Variants in SECISBP2 observed in about 807,000 individuals in gnomAD.
SECISBP2 encodes the protein SECIS binding protein 2.
SECISBP2 carries 96 observed loss-of-function variants against 98.2 expected under a neutral mutation model. The observed-to-expected ratio is 0.98, with a 90% CI of 0.83 to 1.16. SECISBP2 has a LOEUF of 1.16. Ranked by LOEUF, SECISBP2 falls within the 50% of genes most tolerant of loss-of-function variation. The probability of loss-of-function intolerance (pLI) is 0.00; values close to 1 mark genes in which losing one functional copy is unlikely to be tolerated. For missense variants in SECISBP2, 1,046 were observed against 1,022.9 expected, an observed-to-expected ratio of 1.02 and a Z score of -0.31; for synonymous variants, 407 against 370.2, an observed-to-expected ratio of 1.10 and a Z score of -1.14.
At chr9:89,366,129 C>T in the SECISBP2 span, among the ~76,000 whole-genome samples, 5 of 152,124 alleles carry the variant, frequency 3.3e-5, no homozygotes, top group Non-Finnish European at 7.4e-5. Flanking sequence ...TTCGAAGTGC[C>T]ATCGAAGAAT....
At chr9:89,325,857 G>A (rs1826598599) in intron 3 of SECISBP2, 40 bp from the exon 4 acceptor site, 1 of 1,612,396 alleles carries the variant, frequency 6.2e-7, no homozygotes, top group African/African-American at 1.3e-5. Context: ...TTTTTATAGT[G>A]GTGGTTTTAT....
the SECISBP2 span, among the ~76,000 whole-genome samples, chr9:89,366,048 G>A: frequency 6.6e-6 from 1 of 152,176 alleles, no homozygotes; most frequent in African/African-American, 2.4e-5. Context: ...GGCAAGGATG[G>A]GCCCAGTGAA....
chr9:89,334,122 T>A, intron 6 of SECISBP2: 1 of 1,140,200 alleles, frequency 8.8e-7, no homozygotes, highest in Non-Finnish European at 1.1e-6. Context: ...AGTCTAGTGA[T>A]CTTTGACTTC....
At chr9:89,318,732 A>AC in intron 1 of SECISBP2, 120 bp downstream of exon 1, 1 of 1,241,604 alleles carries the variant, frequency 8.1e-7, no homozygotes, top group Non-Finnish European at 1.0e-6. Flanking sequence ...TGGTGACGGC[A>AC]CGGGAGCGCC....
At chr9:89,351,120 C>G (rs1288890983) in intron 14 of SECISBP2, among the ~76,000 whole-genome samples, 6 of 152,224 alleles carry the variant, frequency 3.9e-5, no homozygotes. Flanking sequence ...GAAAGACCTG[C>G]CTCTGTTGTG....
chr9:89,336,766 CTT>C (rs1167993596), intron 7 of SECISBP2, among the ~76,000 whole-genome samples: 5 of 75,212 alleles, frequency 6.6e-5, no homozygotes, highest in Middle Eastern at 0.015. Context: ...CTGTCTAATT[CTT>C]TTTTTTTTTT....
Position 89,346,975 on chromosome 9 carries a change from C to G in SECISBP2, c.1529C>G (p.Ser510Cys). 1 of 1,614,174 alleles carries G rather than the reference C, an allele frequency of 6.2e-7. No individual in the cohort carries two copies. Among genetic ancestry groups the G allele is most frequent in the South Asian group, 1.1e-5 (1 of 91,084 alleles). Residue 510 changes from serine to cysteine, a missense_variant, in exon 11 of 17, where the codon TCC becomes TGC. Transcript: ENST00000375807. ...QMKTPHNPLD[S>C]SAPLMKKGKQ... ...AAGACCCCGCACAATCCCTTGGACT[C>G]CAGCGCCCCACTGATGAAGAAAGGG...
chr9:89,353,331 G>A (rs1831569057), intron 14 of SECISBP2, among the ~76,000 whole-genome samples: 1 of 152,136 alleles, frequency 6.6e-6, no homozygotes, highest in Non-Finnish European at 1.5e-5. Context: ...TCTCCCCTAG[G>A]GCTGGTCACA....
At chr9:89,365,676 A>C in the SECISBP2 span, 1 of 152,402 alleles carries the variant, frequency 6.6e-6, no homozygotes, top group Admixed American at 6.5e-5. Flanking sequence ...AAAGAGTCCA[A>C]AGTACCTGCA....
At chr9:89,342,145 A>T (rs192017368) in intron 10 of SECISBP2, among the ~76,000 whole-genome samples, 1 of 152,046 alleles carries the variant, frequency 6.6e-6, no homozygotes, top group African/African-American at 2.4e-5. Context: ...ACATTTCTCC[A>T]GAAGTACACA....
intron 8 of SECISBP2, among the ~76,000 whole-genome samples, chr9:89,339,325 G>A (rs1184931827): frequency 6.6e-6 from 1 of 152,200 alleles, no homozygotes; most frequent in Non-Finnish European, 1.5e-5. Context: ...AAAACCTACC[G>A]TGGCAGAGCA....
intron 12 of SECISBP2, 96 bp downstream of exon 12, chr9:89,348,310 C>G: frequency 7.1e-7 from 1 of 1,401,814 alleles, no homozygotes; most frequent in South Asian, 1.2e-5. Context: ...ACTTGGCTGA[C>G]TCCTCTTCCT....
chr9:89,364,228 T>G, downstream of SECISBP2: 1 of 546,982 alleles, frequency 1.8e-6, no homozygotes, highest in Non-Finnish European at 3.2e-6. Context: ...ACCCCCTTTC[T>G]TGCAGCGCTG....
chr9:89,337,079 C>T (rs140349060), intron 7 of SECISBP2, among the ~76,000 whole-genome samples: 2,641 of 152,270 alleles, frequency 0.017, 39 homozygotes, highest in Non-Finnish European at 0.026. Flanking sequence ...TGGCCCCCCA[C>T]TGTCTAATTC....
At chr9:89,348,793 A>C (rs1054019287) in intron 12 of SECISBP2, among the ~76,000 whole-genome samples, 1 of 152,254 alleles carries the variant, frequency 6.6e-6, no homozygotes, top group African/African-American at 2.4e-5. Flanking sequence ...CTCTAGTGCA[A>C]CTGTGTGTTA....
intron 12 of SECISBP2, among the ~76,000 whole-genome samples, chr9:89,348,506 G>A (rs1321532495): frequency 6.6e-6 from 1 of 152,216 alleles, no homozygotes; most frequent in African/African-American, 2.4e-5. Flanking sequence ...AAGTGGTCAT[G>A]AGAATTAACA....
Position 89,318,778 on chromosome 9 carries a change from G to A in SECISBP2, c.36+166G>A, listed in dbSNP as rs575418184. Reference sequence around the variant, plus strand: ...GCCGCGATCTTCGCGCCCCGCCTCGGGTCCGCCTTGGGGTGGCGGTCAGCG... The same window carrying A: ...GCCGCGATCTTCGCGCCCCGCCTCGAGTCCGCCTTGGGGTGGCGGTCAGCG... On this transcript the variant is annotated intron_variant, in intron 1 of 16. Transcript: ENST00000375807. 1,293 of 1,254,296 alleles carry A rather than the reference G, an allele frequency of 1.0e-3. 4 individuals are homozygous for A. The highest frequency in any genetic ancestry group is 1.3e-3 in the Non-Finnish European group (1,232 of 978,688). 77.7% of individuals were successfully genotyped at this position (1,254,296 alleles called of 1,614,324 possible).
downstream of SECISBP2, chr9:89,362,305 G>A: frequency 3.1e-6 from 5 of 1,607,604 alleles, no homozygotes; most frequent in Non-Finnish European, 4.3e-6. Flanking sequence ...ACAGTTCACA[G>A]TTGTGGGGGA....
chr9:89,338,549 T>C lies in SECISBP2; in HGVS notation c.1181T>C (p.Val394Ala), dbSNP rs1564382699. 3 of 1,612,902 alleles carry C rather than the reference T, an allele frequency of 1.9e-6. No individual in the cohort carries two copies. The highest frequency in any genetic ancestry group is 1.7e-6 in the Non-Finnish European group (2 of 1,179,662). ...KKEKSTSKYE[V>A]LTVQEPPRIE... ...GAAAAATCTACATCAAAATATGAAGTCCTGACAGTTCAAGAGCCTCCAAGG... is the reference window on the plus strand; with the variant it reads ...GAAAAATCTACATCAAAATATGAAGCCCTGACAGTTCAAGAGCCTCCAAGG... Residue 394 changes from valine to alanine, a missense_variant, in exon 8 of 17, where the codon GTC becomes GCC. Transcript: ENST00000375807.
Sources: allele counts gnomAD v4.1 joint callset (sites outside exome capture counted in the v4.1 genomes callset), GRCh38; gene constraint gnomAD v4.1.1; transcripts MANE v1.5; gene names NCBI Gene and HGNC (gene_info 2026-07-23, HGNC 2026-07-21).